DIP2B: variants seen among roughly 807,000 people sequenced by gnomAD.
DIP2B encodes disco-interacting protein 2 homolog B.
A neutral mutation model predicts 198.0 loss-of-function variants in DIP2B; 76 were observed. The observed-to-expected ratio is 0.38, with a 90% CI of 0.32 to 0.46. The LOEUF (loss-of-function observed/expected upper bound fraction) is 0.46. Ranked by LOEUF, DIP2B falls within the 20% of genes least tolerant of loss-of-function variation. DIP2B has a pLI of 0.99. For missense variants in DIP2B, 1,559 were observed against 1,978.4 expected (o/e 0.79, Z 4.02); for synonymous variants, 701 against 739.1 (o/e 0.95, Z 0.84).
At chr12:50,644,112 GTAT>G in intron 3 of DIP2B, among the ~76,000 whole-genome samples, 1 of 152,294 alleles carries the variant, frequency 6.6e-6, no homozygotes, top group Middle Eastern at 3.4e-3. Context: ...TTCAGACACA[GTAT>G]AAAGAACTTA....
At chr12:50,595,892 A>G (rs908884928) in intron 1 of DIP2B, among the ~76,000 whole-genome samples, 11 of 151,762 alleles carry the variant, frequency 7.2e-5, no homozygotes, top group African/African-American at 1.9e-4. Flanking sequence ...CTCCTCCTCC[A>G]CTCTCAGTCT....
intron 1 of DIP2B, among the ~76,000 whole-genome samples, chr12:50,595,325 G>A (rs1483084681): frequency 6.6e-6 from 1 of 151,976 alleles, no homozygotes; most frequent in Non-Finnish European, 1.5e-5. Flanking sequence ...TTATTTATTT[G>A]TTTTGAGACA....
intron 1 of DIP2B, among the ~76,000 whole-genome samples, chr12:50,618,610 T>C (rs971798547): frequency 1.3e-5 from 2 of 152,214 alleles, no homozygotes; most frequent in African/African-American, 4.8e-5. Context: ...GAGCAGGGGC[T>C]CTGGAGCCAT....
Position 50,563,434 on chromosome 12 carries a change from G to A in DIP2B, c.100+58194G>A, listed in dbSNP as rs1217699168. Among the ~76,000 whole-genome samples the A allele has an allele frequency of 6.0e-5, 9 of 149,904 alleles. 1 individual carries two copies. The highest frequency in any genetic ancestry group is 6.0e-4 in the Admixed American group (9 of 15,030). ...ACTCATGGACTCAAGCAATCTGCCT[G>A]CCTTGGCCTCCCAAAGTGCTGGGAT... On this transcript the variant is annotated intron_variant, in intron 1 of 37. Transcript: ENST00000301180.
At chr12:50,666,993 C>G (rs1184006883) in intron 4 of DIP2B, among the ~76,000 whole-genome samples, 3 of 152,170 alleles carry the variant, frequency 2.0e-5, no homozygotes, top group South Asian at 2.1e-4. Context: ...GCCATCCTCT[C>G]AAGTAGCTGA....
At chr12:50,698,289 T>G in intron 17 of DIP2B, 39 bp from the exon 18 acceptor site, 1 of 1,586,482 alleles carries the variant, frequency 6.3e-7, no homozygotes, top group East Asian at 2.3e-5. Flanking sequence ...TCCCTTGATG[T>G]TATTTCATTC....
intron 37 of DIP2B, among the ~76,000 whole-genome samples, chr12:50,742,768 C>T (rs1012244249): frequency 1.3e-5 from 2 of 152,016 alleles, no homozygotes; most frequent in Non-Finnish European, 2.9e-5. Flanking sequence ...CAGTGGCAGG[C>T]ACCCGTAATC....
chr12:50,676,622 A>G (rs1938951718), intron 7 of DIP2B, among the ~76,000 whole-genome samples: 1 of 152,214 alleles, frequency 6.6e-6, no homozygotes, highest in Non-Finnish European at 1.5e-5. Flanking sequence ...AGAACTAACA[A>G]CTTTCCATTA....
chr12:50,627,686 G>C (rs1003069721), intron 2 of DIP2B, among the ~76,000 whole-genome samples: 1 of 152,208 alleles, frequency 6.6e-6, no homozygotes, highest in African/African-American at 2.4e-5. Flanking sequence ...GCCTATAATG[G>C]GAACCAAATC....
At chr12:50,592,540 C>T (rs1408064246) in intron 1 of DIP2B, among the ~76,000 whole-genome samples, 1 of 151,932 alleles carries the variant, frequency 6.6e-6, no homozygotes, top group Non-Finnish European at 1.5e-5. Context: ...TGCAGTGGCA[C>T]GATCTCAGCT....
At chr12:50,665,654 G>A (rs1475651435) in intron 4 of DIP2B, among the ~76,000 whole-genome samples, 1 of 151,882 alleles carries the variant, frequency 6.6e-6, no homozygotes, top group Non-Finnish European at 1.5e-5. Context: ...GTATGGTAGT[G>A]TGTGCCTGTG....
chr12:50,721,390 C>T lies in DIP2B; in HGVS notation c.3160C>T (p.Pro1054Ser). ...NAGDNVVLLY[P>S]PGIELIAAFY... Reference sequence around the variant, plus strand: ...AGGAGATAATGTGGTGTTGCTCTATCCACCTGGTAAGCATTGGATTGGCAG... The same window carrying T: ...AGGAGATAATGTGGTGTTGCTCTATTCACCTGGTAAGCATTGGATTGGCAG... Residue 1054 changes from proline to serine, a missense_variant, in exon 26 of 38, where the codon CCA becomes TCA. Transcript: ENST00000301180. 6.2e-7 allele frequency: 1 copy of T among 1,614,058 alleles called. No individual in the cohort carries two copies. Among genetic ancestry groups the T allele is most frequent in the South Asian group, 1.1e-5 (1 of 91,074 alleles).
At chr12:50,738,787 A>T (rs1265774495) in intron 35 of DIP2B, among the ~76,000 whole-genome samples, 2 of 152,178 alleles carry the variant, frequency 1.3e-5, no homozygotes, top group African/African-American at 4.8e-5. Flanking sequence ...GCCTATTTTA[A>T]AAATTTTTAA....
chr12:50,733,662 C>T (rs1302797052), intron 32 of DIP2B, among the ~76,000 whole-genome samples: 1 of 152,210 alleles, frequency 6.6e-6, no homozygotes, highest in Non-Finnish European at 1.5e-5. Context: ...TGTGATTGTA[C>T]CGCTGCACTC....
At chr12:50,625,569 T>C (rs1937915621) in intron 1 of DIP2B, among the ~76,000 whole-genome samples, 1 of 152,234 alleles carries the variant, frequency 6.6e-6, no homozygotes, top group South Asian at 2.1e-4. Flanking sequence ...ATGTGGTTCG[T>C]ATAGCAGTAT....
At chr12:50,715,590 G>A (rs1939699921) in intron 23 of DIP2B, among the ~76,000 whole-genome samples, 1 of 152,210 alleles carries the variant, frequency 6.6e-6, no homozygotes, top group Non-Finnish European at 1.5e-5. Context: ...AGAAAGGAAG[G>A]ATTGTGGGAA....
intron 12 of DIP2B, among the ~76,000 whole-genome samples, chr12:50,688,132 A>G (rs1291632899): frequency 6.6e-6 from 1 of 151,974 alleles, no homozygotes; most frequent in East Asian, 1.9e-4. Context: ...GGATCACTTG[A>G]ACCCAGGATG....
At chr12:50,641,011 T>A (rs992505797) in intron 3 of DIP2B, among the ~76,000 whole-genome samples, 159 bp downstream of exon 3, 13 of 152,190 alleles carry the variant, frequency 8.5e-5, no homozygotes, top group African/African-American at 2.9e-4. Context: ...TACCCTACTA[T>A]GTATCAGGTA....
intron 27 of DIP2B, among the ~76,000 whole-genome samples, chr12:50,724,416 C>T (rs1383094449): frequency 6.6e-6 from 1 of 152,180 alleles, no homozygotes; most frequent in African/African-American, 2.4e-5. Flanking sequence ...ACATGGTTAT[C>T]CGATTCTTCT....
Sources: gnomAD v4.1 joint callset for allele counts (sites outside exome capture counted in the v4.1 genomes callset) on GRCh38, gnomAD v4.1.1 for gene constraint, MANE v1.5 for transcripts, NCBI Gene and HGNC (gene_info 2026-07-23, HGNC 2026-07-21) for gene names.